The following ZNF676 variants were observed in gnomAD, a reference collection of about 807,000 sequenced individuals.
The protein encoded by ZNF676 is zinc finger protein 676.
ZNF676 carries 4 observed loss-of-function variants against 6.0 expected under a neutral mutation model. The ratio of observed to expected loss-of-function variants is 0.67; its 90% confidence interval spans 0.33 to 1.53. The LOEUF is 1.53. Among genes scored for constraint, ZNF676 ranks in the 40% most tolerant of loss-of-function variants. The pLI is 0.06. For missense variants in ZNF676, 644 were observed against 679.7 expected (o/e 0.95, Z 0.58); for synonymous variants, 198 against 223.1 (o/e 0.89, Z 1.00).
intron 2 of ZNF676, among the ~76,000 whole-genome samples, chr19:22,191,057 A>G (rs996839569): frequency 2.0e-5 from 3 of 152,178 alleles, no homozygotes; most frequent in African/African-American, 7.2e-5. Context: ...CATGGTTAAC[A>G]TCTGTAATGA....
the ZNF676 span, among the ~76,000 whole-genome samples, chr19:22,247,170 T>C: frequency 2.6e-5 from 4 of 152,008 alleles, no homozygotes; most frequent in Non-Finnish European, 4.4e-5. Flanking sequence ...AGAGGCCCAA[T>C]ATAGAAGCAG....
chr19:22,239,706 G>A, the ZNF676 span, among the ~76,000 whole-genome samples: 1 of 152,182 alleles, frequency 6.6e-6, no homozygotes, highest in Non-Finnish European at 1.5e-5. Context: ...TCAGGCAGGA[G>A]AGTCACAACA....
At chr19:22,237,578 G>C in the ZNF676 span, among the ~76,000 whole-genome samples, 1 of 152,116 alleles carries the variant, frequency 6.6e-6, no homozygotes, top group East Asian at 1.9e-4. Flanking sequence ...GTTGAGGGTG[G>C]GTCCTGAGAA....
chr19:22,184,670 G>A (rs560848496), intron 2 of ZNF676, among the ~76,000 whole-genome samples: 34 of 151,874 alleles, frequency 2.2e-4, no homozygotes, highest in African/African-American at 7.2e-4. Flanking sequence ...TGGGAAGCTC[G>A]AGCTTGGTGG....
At chr19:22,235,258 C>A in the ZNF676 span, among the ~76,000 whole-genome samples, 1 of 152,174 alleles carries the variant, frequency 6.6e-6, no homozygotes, top group Non-Finnish European at 1.5e-5. Context: ...ACCTCAAGAT[C>A]CATTGGATCT....
At chr19:22,252,836 T>C in the ZNF676 span, among the ~76,000 whole-genome samples, 1 of 152,222 alleles carries the variant, frequency 6.6e-6, no homozygotes, top group Non-Finnish European at 1.5e-5. Context: ...AAGATGTCAC[T>C]ACCCAGTCTG....
chr19:22,243,459 T>G, the ZNF676 span: 3 of 151,984 alleles, frequency 2.0e-5, no homozygotes, highest in Admixed American at 6.5e-5. Context: ...AAACACAAAG[T>G]TGACTGGTGC....
chr19:22,193,345 C>T (rs897423574), intron 1 of ZNF676, among the ~76,000 whole-genome samples: 1 of 152,058 alleles, frequency 6.6e-6, no homozygotes, highest in Non-Finnish European at 1.5e-5. Context: ...AAGGTTATTG[C>T]GCATAACCCA....
At chr19:22,237,705 A>G in the ZNF676 span, among the ~76,000 whole-genome samples, 1 of 152,216 alleles carries the variant, frequency 6.6e-6, no homozygotes, top group East Asian at 1.9e-4. Context: ...TGCATCAGAA[A>G]GGGGATGTTG....
chr19:22,193,716 G>A (rs562097364), intron 1 of ZNF676, among the ~76,000 whole-genome samples: 4 of 152,264 alleles, frequency 2.6e-5, no homozygotes, highest in Admixed American at 1.3e-4. Flanking sequence ...TTTGCATGCT[G>A]ATGCTGCGGC....
the ZNF676 span, among the ~76,000 whole-genome samples, chr19:22,250,680 G>C: frequency 6.6e-6 from 1 of 151,700 alleles, no homozygotes; most frequent in East Asian, 1.9e-4. Flanking sequence ...CCCTGTGCAG[G>C]GTTCCTGACC....
upstream of ZNF676, among the ~76,000 whole-genome samples, chr19:22,197,852 A>C (rs1292289197): frequency 6.6e-6 from 1 of 152,152 alleles, no homozygotes; most frequent in African/African-American, 2.4e-5. Context: ...GTCCTGATGT[A>C]CCCAGAAGGA....
At chr19:22,224,070 TTAC>T in the ZNF676 span, among the ~76,000 whole-genome samples, 1 of 151,242 alleles carries the variant, frequency 6.6e-6, no homozygotes, top group African/African-American at 2.4e-5. Flanking sequence ...CTCTTAAGTT[TTAC>T]TGCCATGCAG....
chr19:22,181,792 T>A (rs1050441162), intron 2 of ZNF676, among the ~76,000 whole-genome samples: 5 of 152,124 alleles, frequency 3.3e-5, no homozygotes, highest in South Asian at 2.1e-4. Flanking sequence ...ATGAGTTAAG[T>A]GTGTGCATTT....
chr19:22,187,921 G>T (rs144268811), intron 2 of ZNF676, among the ~76,000 whole-genome samples: 1,579 of 152,026 alleles, frequency 0.01, 11 homozygotes, highest in Non-Finnish European at 0.017. Context: ...TGGATTCACA[G>T]CCTTTGTACC....
At chr19:22,235,014 AAGAAAG>A in the ZNF676 span, among the ~76,000 whole-genome samples, 12 of 87,906 alleles carry the variant, frequency 1.4e-4, no homozygotes, top group Non-Finnish European at 2.6e-4. Context: ...GAAAGAAAGA[AAGAAAG>A]AAAGAAAGAA....
At chr19:22,208,322 A>G (rs2024096397) in intron 1 of ZNF676, among the ~76,000 whole-genome samples, 1 of 151,958 alleles carries the variant, frequency 6.6e-6, no homozygotes, top group Non-Finnish European at 1.5e-5. Context: ...AAAAGGAGAC[A>G]AACATGTGGC....
At chr19:22,253,424 G>GTA in the ZNF676 span, among the ~76,000 whole-genome samples, 1,315 of 52,378 alleles carry the variant, frequency 0.025, 37 homozygotes, top group African/African-American at 0.066. Context: ...ATATGATAAT[G>GTA]TATATATATA....
upstream of ZNF676, among the ~76,000 whole-genome samples, chr19:22,198,528 A>AT (rs1333796905): frequency 1.3e-5 from 2 of 152,098 alleles, no homozygotes; most frequent in South Asian, 2.1e-4. Flanking sequence ...AGAAAAGGCC[A>AT]TTTTTTTCTC....
Sources: allele counts gnomAD v4.1 joint callset (sites outside exome capture counted in the v4.1 genomes callset), GRCh38; gene constraint gnomAD v4.1.1; transcripts MANE v1.5; gene names NCBI Gene and HGNC (gene_info 2026-07-23, HGNC 2026-07-21).